The following ACACA variants were observed in gnomAD, a reference collection of about 807,000 sequenced individuals.
The protein encoded by ACACA is acetyl-CoA carboxylase alpha.
A neutral mutation model predicts 296.1 loss-of-function variants in ACACA; 103 were observed. The ratio of observed to expected loss-of-function variants is 0.35; its 90% CI spans 0.30 to 0.41. The LOEUF (loss-of-function observed/expected upper bound fraction) is 0.41. Among genes scored for constraint, ACACA ranks in the 10% least tolerant of loss-of-function variants. The probability of loss-of-function intolerance (pLI) is 1.00; values close to 1 mark genes in which losing one functional copy is unlikely to be tolerated. For synonymous variants in ACACA, 953 were observed against 1,038.6 expected (o/e 0.92, Z 1.58); for missense variants, 1,554 against 2,989.7 (o/e 0.52, Z 11.20).
chr17:37,318,125 G>A (rs1441412775), intron 3 of ACACA, among the ~76,000 whole-genome samples: 1 of 152,152 alleles, frequency 6.6e-6, no homozygotes, highest in African/African-American at 2.4e-5. Flanking sequence ...CTATCCATAA[G>A]CAAAGCCTTA....
At chr17:37,215,811 G>C (rs1156378293) in intron 29 of ACACA, among the ~76,000 whole-genome samples, 1 of 151,474 alleles carries the variant, frequency 6.6e-6, no homozygotes, top group Non-Finnish European at 1.5e-5. Flanking sequence ...AGACTCACTA[G>C]GGAAAGAAGG....
At chr17:37,160,727 G>A (rs1035806582) in intron 42 of ACACA, among the ~76,000 whole-genome samples, 1 of 152,150 alleles carries the variant, frequency 6.6e-6, no homozygotes, top group African/African-American at 2.4e-5. Flanking sequence ...AGTTGAAGGT[G>A]CAGAAAAGAT....
At chr17:37,320,370 G>T (rs1245464524) in intron 3 of ACACA, among the ~76,000 whole-genome samples, 2 of 151,894 alleles carry the variant, frequency 1.3e-5, no homozygotes, top group South Asian at 4.2e-4. Context: ...AATTAGCCAG[G>T]CATGGTGGCG....
intron 37 of ACACA, 142 bp downstream of exon 37, chr17:37,191,948 C>A: frequency 1.2e-6 from 1 of 851,950 alleles, no homozygotes; most frequent in Admixed American, 2.5e-5. Context: ...TGAAATAGAA[C>A]AAGAACCTTG....
At chr17:37,156,053 CTTTTTTTT>C (rs60787242) in intron 42 of ACACA, among the ~76,000 whole-genome samples, 4 of 94,006 alleles carry the variant, frequency 4.3e-5, no homozygotes, top group African/African-American at 4.4e-5. Context: ...TTCTTTCTTT[CTTTTTTTT>C]TTTTTTTTTT....
At chr17:37,355,214 G>A (rs1238613186) in intron 1 of ACACA, among the ~76,000 whole-genome samples, 1 of 151,286 alleles carries the variant, frequency 6.6e-6, no homozygotes, top group Non-Finnish European at 1.5e-5. Context: ...CTGCACTCCA[G>A]CCTGGGTGAC....
chr17:37,217,551 C>G (rs892068759), intron 29 of ACACA, among the ~76,000 whole-genome samples: 2 of 151,520 alleles, frequency 1.3e-5, no homozygotes, highest in Non-Finnish European at 2.9e-5. Context: ...CTGGCTAACA[C>G]GGTGAAACCC....
intron 9 of ACACA, among the ~76,000 whole-genome samples, chr17:37,271,724 C>T (rs1415487153): frequency 6.6e-6 from 1 of 151,554 alleles, no homozygotes; most frequent in South Asian, 2.1e-4. Context: ...AATCCCAACA[C>T]TTTGAGAGGC....
chr17:37,296,084 C>T (rs1456201298), intron 3 of ACACA, among the ~76,000 whole-genome samples: 5 of 152,114 alleles, frequency 3.3e-5, no homozygotes, highest in Non-Finnish European at 5.9e-5. Flanking sequence ...ACTTGGTATA[C>T]ACCCTGTGTA....
At position 37,254,810 on chromosome 17, in the gene ACACA, C is replaced by A. The variant is rs141887783; in HGVS notation, c.1827-1774G>T. Among the ~76,000 whole-genome samples the A allele has an allele frequency of 9.2e-3, 1,393 of 151,644 alleles. 23 individuals carry two copies. The highest frequency in any genetic ancestry group is 0.032 in the African/African-American group (1,317 of 41,300). On this transcript the variant is annotated intron_variant, in intron 14 of 55. Coordinates refer to ENST00000616317, the MANE Select transcript of ACACA (RefSeq NM_198834.3). ...ACCAGCCTGGCCGACATGGTGAAAC[C>A]CGTCTCTACTACAAATACAAAAACT...
chr17:37,107,501 C>CA (rs1426040590), intron 52 of ACACA, among the ~76,000 whole-genome samples: 1 of 152,218 alleles, frequency 6.6e-6, no homozygotes, highest in Non-Finnish European at 1.5e-5. Context: ...TCCATATCTG[C>CA]ACCTGGGGCA....
At chr17:37,128,214 A>T (rs887750060) in intron 47 of ACACA, among the ~76,000 whole-genome samples, 1 of 152,136 alleles carries the variant, frequency 6.6e-6, no homozygotes, top group Non-Finnish European at 1.5e-5. Context: ...AGTCTAATGT[A>T]GATATTGTAG....
chr17:37,208,850 C>T (rs1291435867), intron 30 of ACACA, among the ~76,000 whole-genome samples: 1 of 152,186 alleles, frequency 6.6e-6, no homozygotes, highest in Non-Finnish European at 1.5e-5. Flanking sequence ...AAGTTCAGGG[C>T]AAGGCAATGG....
intron 28 of ACACA, chr17:37,222,128 A>T: frequency 2.2e-6 from 1 of 447,866 alleles, no homozygotes; most frequent in Non-Finnish European, 4.1e-6. Context: ...AGAAGGTTTA[A>T]TCTTTAGCAA....
intron 29 of ACACA, chr17:37,221,407 T>G: frequency 2.6e-6 from 1 of 385,566 alleles, no homozygotes; most frequent in Non-Finnish European, 4.8e-6. Context: ...AAAGAGTGAT[T>G]TTTCTGGCAA....
In ACACA at chr17:37,163,527, C is replaced by G. The variant is rs1158862919; in HGVS notation, c.5080-1477G>C. Among the ~76,000 whole-genome samples the G allele has an allele frequency of 2.6e-5, 4 of 152,282 alleles. No individual in the cohort carries two copies. The East Asian group carries it at 7.7e-4, about 29-fold the overall frequency. On this transcript the variant is annotated intron_variant, in intron 41 of 55. Coordinates refer to ENST00000616317, the MANE Select transcript of ACACA (RefSeq NM_198834.3). ...TTTGTTCCAAGAAACCTTTAACACA[C>G]AAGGAAGCAGAAAAAGGATGACGTC...
At chr17:37,396,717 GA>G in intron 1 of ACACA, among the ~76,000 whole-genome samples, 1 of 152,258 alleles carries the variant, frequency 6.6e-6, no homozygotes, top group South Asian at 2.1e-4. Flanking sequence ...CTAAAGGCCA[GA>G]AGAAATCTTT....
chr17:37,193,266 T>C (rs2145126980), intron 36 of ACACA, 108 bp downstream of exon 36: 1 of 830,308 alleles, frequency 1.2e-6, no homozygotes, highest in South Asian at 1.6e-5. Context: ...ACAAGTTCAA[T>C]AAGAGAAAAA....
At chr17:37,125,518 C>T (rs2074738039) in intron 48 of ACACA, among the ~76,000 whole-genome samples, 180 bp downstream of exon 48, 1 of 152,192 alleles carries the variant, frequency 6.6e-6, no homozygotes, top group African/African-American at 2.4e-5. Context: ...GAGTGACACA[C>T]AAAATGGCAA....
Sources: allele counts gnomAD v4.1 joint callset (sites outside exome capture counted in the v4.1 genomes callset), GRCh38; gene constraint gnomAD v4.1.1; transcripts MANE v1.5; gene names NCBI Gene and HGNC (gene_info 2026-07-23, HGNC 2026-07-21).